The following NEDD4L variants were observed in gnomAD, a reference collection of about 807,000 sequenced individuals.
NEDD4L encodes E3 ubiquitin-protein ligase NEDD4-like.
NEDD4L carries 54 observed loss-of-function variants against 148.9 expected under a neutral mutation model. That is an observed-to-expected ratio of 0.36 (90% confidence interval 0.29 to 0.45). The LOEUF is 0.45. Among genes scored for constraint, NEDD4L ranks in the 20% least tolerant of loss-of-function variants. NEDD4L has a pLI of 1.00. For synonymous variants in NEDD4L, 433 were observed against 440.7 expected (o/e 0.98, Z 0.22); for missense variants, 856 against 1,233.8 (o/e 0.69, Z 4.59).
intron 1 of NEDD4L, among the ~76,000 whole-genome samples, chr18:58,085,730 A>G (rs569978391): frequency 1.3e-5 from 2 of 152,238 alleles, no homozygotes; most frequent in Non-Finnish European, 1.5e-5. Flanking sequence ...TATTTTAAAC[A>G]GCTTTCATAG....
chr18:58,076,720 T>G (rs1165693847), intron 1 of NEDD4L, among the ~76,000 whole-genome samples: 1 of 152,116 alleles, frequency 6.6e-6, no homozygotes, highest in Non-Finnish European at 1.5e-5. Flanking sequence ...ATCTCCAGAA[T>G]GGCTCCAGTT....
chr18:58,265,726 G>A lies in NEDD4L; in HGVS notation c.297+13672G>A, dbSNP rs148282650. Among the ~76,000 whole-genome samples the A allele has an allele frequency of 4.6e-5, 7 of 152,038 alleles. No individual in the cohort carries two copies. In the East Asian group the frequency reaches 1.2e-3, roughly 25 times the overall value. ...CCACAGGTACATGTCAACACACGCA[G>A]CTAATTTTTTAGTTTTTGTAGAGAT... On this transcript the variant is annotated intron_variant, in intron 5 of 30. Transcript: ENST00000400345.
intron 1 of NEDD4L, among the ~76,000 whole-genome samples, chr18:58,049,340 A>G (rs2081746810): frequency 6.6e-6 from 1 of 152,244 alleles, no homozygotes; most frequent in African/African-American, 2.4e-5. Flanking sequence ...GTTAGTTTTT[A>G]AAAAGTGGCC....
At chr18:58,286,058 T>A (rs900762061) in intron 5 of NEDD4L, among the ~76,000 whole-genome samples, 1 of 152,226 alleles carries the variant, frequency 6.6e-6, no homozygotes, top group Non-Finnish European at 1.5e-5. Context: ...TGCAAGTAGA[T>A]GCACGTTCTT....
intron 1 of NEDD4L, chr18:58,149,354 C>A: frequency 7.1e-7 from 1 of 1,399,448 alleles, no homozygotes; most frequent in Non-Finnish European, 9.3e-7. Flanking sequence ...AGAGGAACAA[C>A]CGTGTAGACT....
intron 19 of NEDD4L, among the ~76,000 whole-genome samples, chr18:58,358,526 A>G (rs2045030736): frequency 1.3e-5 from 2 of 152,224 alleles, no homozygotes. Flanking sequence ...TTTATCACTT[A>G]TCAATTACCG....
chr18:58,321,559 T>C (rs1255874002), intron 6 of NEDD4L, among the ~76,000 whole-genome samples: 2 of 152,210 alleles, frequency 1.3e-5, no homozygotes, highest in South Asian at 2.1e-4. Context: ...TAGGAACCCA[T>C]TGAGAGTTTA....
rs529568904 is a variant in NEDD4L at position 58,195,580 on chromosome 18, A to G, written c.122+29719A>G. 8.8e-5 allele frequency: 118 copies of G among 1,339,782 alleles called. 1 individual carries two copies. The South Asian group carries it at 1.1e-3, about 12-fold the overall frequency. 83.0% of individuals were successfully genotyped at this position (1,339,782 alleles called of 1,614,324 possible). A position where few individuals can be genotyped will look rare whatever the true frequency, so the allele number is the denominator to read the frequency against. On this transcript the variant is annotated intron_variant, in intron 2 of 30. Transcript: ENST00000400345. Reference sequence around the variant, plus strand: ...GTGCCTCCCCAGCACGGCACCTCCCACTCCAGGCTGTTGGTTACCTGGCCG... The same window carrying G: ...GTGCCTCCCCAGCACGGCACCTCCCGCTCCAGGCTGTTGGTTACCTGGCCG...
chr18:58,152,457 A>T (rs2034899839), intron 1 of NEDD4L, among the ~76,000 whole-genome samples: 1 of 152,248 alleles, frequency 6.6e-6, no homozygotes. Context: ...TGCCCTTCTC[A>T]CACATTTCCA....
intron 2 of NEDD4L, among the ~76,000 whole-genome samples, chr18:58,241,608 T>G (rs570060678): frequency 6.6e-6 from 1 of 151,152 alleles, no homozygotes; most frequent in East Asian, 1.9e-4. Context: ...GTACCCAGAT[T>G]TGCACGGGAA....
At chr18:58,308,368 A>G (rs527706688) in intron 5 of NEDD4L, among the ~76,000 whole-genome samples, 15 of 152,366 alleles carry the variant, frequency 9.8e-5, no homozygotes, top group Admixed American at 3.9e-4. Context: ...CAAAAATAGA[A>G]TAGCCTTCTA....
intron 2 of NEDD4L, among the ~76,000 whole-genome samples, chr18:58,186,137 A>G (rs2039462353): frequency 6.6e-6 from 1 of 152,090 alleles, no homozygotes. Flanking sequence ...AAGAACATAC[A>G]TTCCCTAGTT....
At chr18:58,044,804 G>T (rs2081498219) in intron 1 of NEDD4L, 96 bp downstream of exon 1, 2 of 1,472,068 alleles carry the variant, frequency 1.4e-6, no homozygotes, top group South Asian at 2.6e-5. Flanking sequence ...GGGTGCTCGT[G>T]CCCAGCGTCT....
chr18:58,073,525 A>ATAT (rs2083001634), intron 1 of NEDD4L, among the ~76,000 whole-genome samples: 1 of 152,216 alleles, frequency 6.6e-6, no homozygotes, highest in Non-Finnish European at 1.5e-5. Context: ...ATACAATGGG[A>ATAT]TATTATTCAG....
intron 2 of NEDD4L, among the ~76,000 whole-genome samples, chr18:58,195,210 C>A (rs761380999): frequency 6.6e-6 from 1 of 152,218 alleles, no homozygotes; most frequent in Non-Finnish European, 1.5e-5. Flanking sequence ...GCTCCAGGGT[C>A]ACCTGGGCCA....
chr18:58,296,276 G>T (rs4941382), intron 5 of NEDD4L, among the ~76,000 whole-genome samples: 1 of 151,932 alleles, frequency 6.6e-6, no homozygotes, highest in Non-Finnish European at 1.5e-5. Flanking sequence ...GGGACAAGGT[G>T]TCTATCACTC....
chr18:58,109,576 T>TG (rs1412374995), intron 1 of NEDD4L, among the ~76,000 whole-genome samples: 8 of 147,272 alleles, frequency 5.4e-5, no homozygotes, highest in Admixed American at 1.3e-4. Flanking sequence ...TTTTTTGTTT[T>TG]TTTTTTTTTT....
At chr18:58,118,164 C>T (rs578128085) in intron 1 of NEDD4L, among the ~76,000 whole-genome samples, 1 of 152,360 alleles carries the variant, frequency 6.6e-6, no homozygotes, top group South Asian at 2.1e-4. Context: ...GTGTATGACT[C>T]AGAATTCACA....
intron 1 of NEDD4L, among the ~76,000 whole-genome samples, chr18:58,099,963 C>T (rs924663673): frequency 6.6e-6 from 1 of 151,262 alleles, no homozygotes; most frequent in African/African-American, 2.5e-5. Flanking sequence ...AATCAAAGTG[C>T]AGGTCCCCCA....
Sources: gnomAD v4.1 joint callset for allele counts (sites outside exome capture counted in the v4.1 genomes callset) on GRCh38, gnomAD v4.1.1 for gene constraint, MANE v1.5 for transcripts, NCBI Gene and HGNC (gene_info 2026-07-23, HGNC 2026-07-21) for gene names.